Variants in PLCG2 observed in about 807,000 individuals in gnomAD.
PLCG2 encodes the protein phospholipase C gamma 2, also known as 1-phosphatidylinositol 4,5-bisphosphate phosphodiesterase gamma-2.
Under a neutral mutation model 175.6 loss-of-function variants are expected in PLCG2, and 69 were observed. The observed-to-expected ratio is 0.39, with a 90% CI of 0.32 to 0.48. PLCG2 has a LOEUF of 0.48. Ranked by LOEUF, PLCG2 falls within the 20% of genes least tolerant of loss-of-function variation. The pLI is 0.91. For synonymous variants in PLCG2, 827 were observed against 624.0 expected (o/e 1.33, Z -4.85); for missense variants, 1,798 against 1,650.9 (o/e 1.09, Z -1.54).
At chr16:81,919,778 A>C (rs1909986912) in intron 20 of PLCG2, 114 bp downstream of exon 20, 2 of 811,734 alleles carry the variant, frequency 2.5e-6, no homozygotes, top group African/African-American at 1.7e-5. Flanking sequence ...ATACTGCTGT[A>C]GGTCCTGGGG....
chr16:81,780,006 C>T (rs559703934), intron 1 of PLCG2, among the ~76,000 whole-genome samples: 3 of 152,164 alleles, frequency 2.0e-5, no homozygotes, highest in East Asian at 1.9e-4. Context: ...GTTTTGGAAT[C>T]CCAAAGAGGG....
intron 2 of PLCG2, among the ~76,000 whole-genome samples, chr16:81,806,692 C>G (rs1027363192): frequency 6.6e-6 from 1 of 151,974 alleles, no homozygotes; most frequent in African/African-American, 2.4e-5. Context: ...AAAGGGGGAT[C>G]ATGAGGGTCC....
At chr16:81,813,156 G>C (rs1184634872) in intron 2 of PLCG2, among the ~76,000 whole-genome samples, 1 of 152,056 alleles carries the variant, frequency 6.6e-6, no homozygotes, top group Non-Finnish European at 1.5e-5. Context: ...TGGTTATGTG[G>C]TCTCTTTTTT....
chr16:81,869,565 C>T (rs933271406), intron 6 of PLCG2, among the ~76,000 whole-genome samples: 3 of 152,164 alleles, frequency 2.0e-5, no homozygotes, highest in Non-Finnish European at 2.9e-5. Context: ...TCCATTAGTC[C>T]AGCTTTCCCT....
In PLCG2 at chr16:81,839,237, T is replaced by A. The variant is rs74029241; in HGVS notation, c.194-15207T>A. 8.1e-3 allele frequency among the ~76,000 whole-genome samples: 1,226 copies of A among 152,268 alleles called. 20 individuals carry two copies. Among genetic ancestry groups the A allele is most frequent in the African/African-American group, 0.026 (1,089 of 41,540 alleles). On this transcript the variant is annotated intron_variant, in intron 2 of 32. Transcript: ENST00000564138. ...AAAGAAAACTATCACATAAATAGTA[T>A]CAGCAGTAGGCAGATACAACAAACC...
At chr16:81,849,396 T>A (rs1478779542) in intron 2 of PLCG2, among the ~76,000 whole-genome samples, 2 of 152,186 alleles carry the variant, frequency 1.3e-5, no homozygotes, top group African/African-American at 4.8e-5. Flanking sequence ...TTACCTTGTC[T>A]AAAAAAGTTT....
At chr16:81,799,084 C>G (rs1391303549) in intron 2 of PLCG2, 1 of 152,264 alleles carries the variant, frequency 6.6e-6, no homozygotes, top group Non-Finnish European at 1.5e-5. Flanking sequence ...CCTGTTTAGA[C>G]AGCTCTGAGC....
In PLCG2 at chr16:81,921,931, A is replaced by G. The variant is rs138674506; in HGVS notation, c.2307+662A>G. On this transcript the variant is annotated intron_variant, in intron 21 of 32. Coordinates refer to ENST00000564138, the MANE Select transcript of PLCG2 (RefSeq NM_002661.5). Reference sequence around the variant, plus strand: ...TGTTTCAGAAAGAAATGAAATCTTGAAAAGTTGTGGGCAAATTGAGCTGTG... The same window carrying G: ...TGTTTCAGAAAGAAATGAAATCTTGGAAAGTTGTGGGCAAATTGAGCTGTG... Among the ~76,000 whole-genome samples the G allele has an allele frequency of 2.6e-5, 4 of 152,350 alleles. No homozygotes were observed. In the East Asian group the frequency reaches 7.7e-4, roughly 29 times the overall value.
intron 21 of PLCG2, among the ~76,000 whole-genome samples, chr16:81,922,278 T>C (rs1414650826): frequency 1.3e-5 from 2 of 152,252 alleles, no homozygotes; most frequent in African/African-American, 4.8e-5. Flanking sequence ...GATCCAGTTC[T>C]GGGCTGAGCC....
At chr16:81,870,723 T>G (rs1310866839) in intron 6 of PLCG2, 129 bp from the exon 7 acceptor site, 1 of 538,544 alleles carries the variant, frequency 1.9e-6, no homozygotes, top group Non-Finnish European at 3.3e-6. Context: ...AATGTGGTCA[T>G]AGCTGTCTCT....
At chr16:81,789,718 C>A (rs1223630597) in intron 2 of PLCG2, among the ~76,000 whole-genome samples, 1 of 152,104 alleles carries the variant, frequency 6.6e-6, no homozygotes, top group African/African-American at 2.4e-5. Context: ...CCCGGATGGT[C>A]TGGTAACTAG....
At chr16:81,942,918 A>ATT (rs71146055) in intron 30 of PLCG2, among the ~76,000 whole-genome samples, 62 of 148,060 alleles carry the variant, frequency 4.2e-4, no homozygotes, top group African/African-American at 1.1e-3. Flanking sequence ...AAAAACAATT[A>ATT]TTTTTTTTTT....
chr16:81,842,473 C>T (rs1322645000), intron 2 of PLCG2, among the ~76,000 whole-genome samples: 1 of 152,164 alleles, frequency 6.6e-6, no homozygotes, highest in African/African-American at 2.4e-5. Context: ...CTGTGACTGC[C>T]TGGTTGACTG....
intron 9 of PLCG2, among the ~76,000 whole-genome samples, chr16:81,888,799 G>C (rs1908494752): frequency 6.6e-6 from 1 of 152,192 alleles, no homozygotes; most frequent in African/African-American, 2.4e-5. Flanking sequence ...GGCAAACCAT[G>C]ACCTATGGAC....
chr16:81,901,579 T>G (rs1440207819), intron 14 of PLCG2, among the ~76,000 whole-genome samples: 2 of 152,208 alleles, frequency 1.3e-5, no homozygotes, highest in Non-Finnish European at 2.9e-5. Context: ...GCACGTGAAC[T>G]TCAACAGAAA....
intron 2 of PLCG2, among the ~76,000 whole-genome samples, chr16:81,819,371 C>G (rs1904694329): frequency 6.6e-6 from 1 of 152,102 alleles, no homozygotes; most frequent in African/African-American, 2.4e-5. Flanking sequence ...TGGTACCAAC[C>G]CTGTGAGGCG....
chr16:81,843,158 G>C (rs1165208522), intron 2 of PLCG2, among the ~76,000 whole-genome samples: 6 of 152,166 alleles, frequency 3.9e-5, no homozygotes, highest in Non-Finnish European at 8.8e-5. Context: ...GAGGTCTGCT[G>C]ACCACAGCCT....
At chr16:81,936,474 C>G (rs1347667472) in intron 27 of PLCG2, 96 bp downstream of exon 27, 29 of 937,558 alleles carry the variant, frequency 3.1e-5, no homozygotes, top group Non-Finnish European at 5.1e-6. Context: ...ATGTGGTGTC[C>G]AAGAATGAGT....
At chr16:81,758,889 G>A (rs1252784386) in intron 2 of PLCG2, among the ~76,000 whole-genome samples, 4 of 152,078 alleles carry the variant, frequency 2.6e-5, no homozygotes. Context: ...TGTTGGCCAG[G>A]CTGGTCTCGA....
Sources: allele counts gnomAD v4.1 joint callset (sites outside exome capture counted in the v4.1 genomes callset), GRCh38; gene constraint gnomAD v4.1.1; transcripts MANE v1.5; gene names NCBI Gene and HGNC (gene_info 2026-07-23, HGNC 2026-07-21).